Variants in MARCHF1 observed in about 807,000 individuals in gnomAD.
MARCHF1 encodes the protein E3 ubiquitin-protein ligase MARCHF1.
MARCHF1 carries 40 observed loss-of-function variants against 54.2 expected under a neutral mutation model. That is an observed-to-expected ratio of 0.74 (90% CI 0.57 to 0.96). The LOEUF (loss-of-function observed/expected upper bound fraction) is 0.96, where lower values mean the gene tolerates loss of function less well. MARCHF1 is among the 40% of genes least tolerant of loss of function. The pLI, the probability that MARCHF1 is intolerant of heterozygous loss-of-function variation, is 0.00. For missense variants in MARCHF1, 586 were observed against 656.5 expected (o/e 0.89, Z 1.17); for synonymous variants, 236 against 236.3 (o/e 1.00, Z 0.01).
intron 1 of MARCHF1, among the ~76,000 whole-genome samples, chr4:164,231,499 A>C (rs190118146): frequency 1.5e-3 from 231 of 152,318 alleles, no homozygotes; most frequent in African/African-American, 5.3e-3. Flanking sequence ...ATATTTTGAA[A>C]CGGTTAACAT....
At chr4:164,121,413 T>A (rs1029817920) in intron 1 of MARCHF1, among the ~76,000 whole-genome samples, 1 of 152,054 alleles carries the variant, frequency 6.6e-6, no homozygotes, top group Non-Finnish European at 1.5e-5. Context: ...AAACTTACAA[T>A]CATGGTGGAA....
At chr4:163,693,417 A>G (rs977131843) in intron 5 of MARCHF1, among the ~76,000 whole-genome samples, 2 of 151,470 alleles carry the variant, frequency 1.3e-5, no homozygotes, top group African/African-American at 2.4e-5. Flanking sequence ...ATGACTCAGA[A>G]AGCTGCAGTT....
intron 9 of MARCHF1, among the ~76,000 whole-genome samples, chr4:163,541,955 T>C (rs1328032681): frequency 6.6e-6 from 1 of 152,248 alleles, no homozygotes; most frequent in African/African-American, 2.4e-5. Flanking sequence ...TGATTCCCTG[T>C]ATGAAAGTCA....
intron 1 of MARCHF1, among the ~76,000 whole-genome samples, chr4:164,257,734 G>A (rs898495534): frequency 1.3e-5 from 2 of 152,228 alleles, no homozygotes; most frequent in Middle Eastern, 3.4e-3. Context: ...TTGGGAAGCC[G>A]AGGTGGGGGG....
intron 1 of MARCHF1, among the ~76,000 whole-genome samples, chr4:164,217,837 G>A (rs1394009121): frequency 6.6e-6 from 1 of 152,112 alleles, no homozygotes; most frequent in Non-Finnish European, 1.5e-5. Context: ...AACATTTACA[G>A]AATAGGCTGG....
intron 3 of MARCHF1, among the ~76,000 whole-genome samples, chr4:163,928,736 A>G (rs938520772): frequency 5.3e-5 from 8 of 152,176 alleles, no homozygotes; most frequent in African/African-American, 1.7e-4. Flanking sequence ...TTGTAAAGTA[A>G]CAATCAAGGA....
At chr4:164,371,264 C>T in intron 1 of MARCHF1, among the ~76,000 whole-genome samples, 1 of 152,128 alleles carries the variant, frequency 6.6e-6, no homozygotes. Flanking sequence ...TTAATTCCAA[C>T]TGGGCCAAAG....
chr4:164,068,639 C>G (rs1433280759), intron 2 of MARCHF1, among the ~76,000 whole-genome samples: 1 of 152,162 alleles, frequency 6.6e-6, no homozygotes, highest in East Asian at 1.9e-4. Context: ...GCCTCCCCCA[C>G]CTGCCATGGG....
At chr4:163,546,349 T>A (rs951554557) in intron 8 of MARCHF1, among the ~76,000 whole-genome samples, 8 of 152,222 alleles carry the variant, frequency 5.3e-5, no homozygotes, top group Admixed American at 5.2e-4. Context: ...TCAAGTCATT[T>A]CTGTTTTGCA....
intron 5 of MARCHF1, among the ~76,000 whole-genome samples, chr4:163,673,789 C>A (rs1292863301): frequency 6.6e-6 from 1 of 152,078 alleles, no homozygotes; most frequent in African/African-American, 2.4e-5. Context: ...CTGGAGAATA[C>A]AAACAGTATT....
intron 4 of MARCHF1, among the ~76,000 whole-genome samples, chr4:163,741,249 T>G (rs1746186223): frequency 6.6e-6 from 1 of 152,164 alleles, no homozygotes; most frequent in South Asian, 2.1e-4. Context: ...CTTGTGCTTT[T>G]ATGGTTTAAT....
At chr4:164,030,965 A>G (rs1257069666) in intron 2 of MARCHF1, among the ~76,000 whole-genome samples, 2 of 151,968 alleles carry the variant, frequency 1.3e-5, no homozygotes, top group Non-Finnish European at 2.9e-5. Flanking sequence ...CAGCTTAAGG[A>G]GTGGGCTGAG....
intron 4 of MARCHF1, among the ~76,000 whole-genome samples, chr4:163,797,855 C>T (rs72685624): frequency 0.038 from 5,818 of 151,898 alleles, 161 homozygotes; most frequent in South Asian, 0.074. Flanking sequence ...TGAGTCTAAG[C>T]CTGCTGTTTC....
intron 5 of MARCHF1, among the ~76,000 whole-genome samples, chr4:163,678,893 C>T (rs1407663620): frequency 6.6e-6 from 1 of 152,138 alleles, no homozygotes; most frequent in Middle Eastern, 3.2e-3. Context: ...AATAGCAGCT[C>T]CTTGTAGATA....
At chr4:164,114,742 C>T (rs1755906207) in intron 1 of MARCHF1, among the ~76,000 whole-genome samples, 2 of 150,426 alleles carry the variant, frequency 1.3e-5, no homozygotes, top group African/African-American at 2.4e-5. Context: ...GGAAACTACA[C>T]ACACACAATA....
At chr4:163,708,713 T>C (rs1291851805) in intron 4 of MARCHF1, among the ~76,000 whole-genome samples, 1 of 152,042 alleles carries the variant, frequency 6.6e-6, no homozygotes, top group Non-Finnish European at 1.5e-5. Flanking sequence ...TATATGAGCA[T>C]GGAAAAAGTC....
chr4:163,972,518 TAA>T (rs1752566112), intron 3 of MARCHF1, among the ~76,000 whole-genome samples: 1 of 152,100 alleles, frequency 6.6e-6, no homozygotes, highest in Non-Finnish European at 1.5e-5. Flanking sequence ...ATATTTGTTA[TAA>T]AAAGTCTTAA....
chr4:163,775,283 A>G (rs1407560617), intron 4 of MARCHF1, among the ~76,000 whole-genome samples: 2 of 152,118 alleles, frequency 1.3e-5, no homozygotes, highest in Non-Finnish European at 2.9e-5. Flanking sequence ...ACTTTATCAG[A>G]CAGGGTTCTA....
intron 5 of MARCHF1, among the ~76,000 whole-genome samples, chr4:163,649,131 G>A (rs1458427900): frequency 2.0e-5 from 3 of 151,964 alleles, no homozygotes; most frequent in Non-Finnish European, 4.4e-5. Flanking sequence ...TTAGGTACCT[G>A]GTTCAGCACA....
Sources: gnomAD v4.1 joint callset for allele counts (sites outside exome capture counted in the v4.1 genomes callset) on GRCh38, gnomAD v4.1.1 for gene constraint, MANE v1.5 for transcripts, NCBI Gene and HGNC (gene_info 2026-07-23, HGNC 2026-07-21) for gene names.